The following SNX7 variants were observed in gnomAD, a reference collection of about 807,000 sequenced individuals.
SNX7 encodes the protein sorting nexin 7, also known as sorting nexin-7.
SNX7 carries 35 observed loss-of-function variants against 48.4 expected under a neutral mutation model. The observed-to-expected ratio is 0.72, with a 90% CI of 0.55 to 0.96. The LOEUF is 0.96. Among genes scored for constraint, SNX7 ranks in the 40% least tolerant of loss-of-function variants. The pLI is 0.00. For missense variants in SNX7, 553 were observed against 548.9 expected (o/e 1.01, Z -0.07); for synonymous variants, 190 against 190.2 (o/e 1.00, Z 0.01).
intron 7 of SNX7, among the ~76,000 whole-genome samples, chr1:98,713,914 G>A (rs1652450293): frequency 6.6e-6 from 1 of 152,162 alleles, no homozygotes; most frequent in South Asian, 2.1e-4. Context: ...AAAGTTTGAA[G>A]TGTTGTAAGA....
chr1:98,731,324 G>A (rs1653498432), intron 7 of SNX7, among the ~76,000 whole-genome samples: 1 of 151,928 alleles, frequency 6.6e-6, no homozygotes, highest in African/African-American at 2.4e-5. Context: ...CCATGTGACT[G>A]GCCCATAGTA....
rs577522427 is a variant in SNX7, at chr1:98,661,785, G to A, written c.54G>A (p.Gly18=). Reference sequence around the variant, plus strand: ...CGCCCTCCTCGGGCCTCCCGGCCGGGGGCGCCAACGGGGAGAGCCCGGGGG... The same window carrying A: ...CGCCCTCCTCGGGCCTCCCGGCCGGAGGCGCCAACGGGGAGAGCCCGGGGG... The part of the protein sequence containing the change: ...SQAPSSGLPA[G]GANGESPGGG... Residue 18 remains glycine (G), a synonymous_variant, in exon 1 of 9, where the codon GGG becomes GGA. Transcript: ENST00000306121. The A allele has an allele frequency of 1.2e-5, 15 of 1,243,584 alleles. No homozygotes were observed. The Admixed American group carries it at 2.5e-4, about 21-fold the overall frequency. The allele number at this position is 1,243,584 out of a possible 1,614,324, so 77.0% of individuals were successfully genotyped here.
chr1:98,715,383 C>G (rs1374474665), intron 7 of SNX7, among the ~76,000 whole-genome samples: 1 of 152,064 alleles, frequency 6.6e-6, no homozygotes, highest in Non-Finnish European at 1.5e-5. Flanking sequence ...GTTTATTTGT[C>G]CCATTAATGA....
At chr1:98,722,925 G>T (rs970783847) in intron 7 of SNX7, among the ~76,000 whole-genome samples, 1 of 152,024 alleles carries the variant, frequency 6.6e-6, no homozygotes, top group African/African-American at 2.4e-5. Flanking sequence ...GGAGAAATAA[G>T]CCTGGATTAA....
intron 8 of SNX7, among the ~76,000 whole-genome samples, chr1:98,757,815 G>C (rs779418348): frequency 3.9e-5 from 6 of 152,136 alleles, no homozygotes; most frequent in Admixed American, 6.6e-5. Flanking sequence ...CAGAAGTCCT[G>C]AGCCTGAGTT....
intron 6 of SNX7, among the ~76,000 whole-genome samples, chr1:98,701,125 A>G (rs4351664): frequency 0.88 from 133,628 of 152,144 alleles, 59,918 homozygotes; most frequent in Non-Finnish European, 0.96. Context: ...AAAGTTCGGC[A>G]AAAATGAAAG....
intron 1 of SNX7, 64 bp from the exon 2 acceptor site, chr1:98,684,821 C>T: frequency 8.9e-7 from 1 of 1,121,688 alleles, no homozygotes; most frequent in Non-Finnish European, 1.2e-6. Flanking sequence ...ATATTGATAG[C>T]ATCTAGAAAT....
chr1:98,701,969 T>A, intron 7 of SNX7, 66 bp downstream of exon 7: 1 of 1,077,964 alleles, frequency 9.3e-7, no homozygotes, highest in Non-Finnish European at 1.4e-6. Context: ...ATTAGCAATG[T>A]CCTTACATGA....
intron 4 of SNX7, among the ~76,000 whole-genome samples, chr1:98,694,586 T>C (rs1357422415): frequency 6.8e-6 from 1 of 147,786 alleles, no homozygotes; most frequent in Non-Finnish European, 1.5e-5. Context: ...TACCACTTAA[T>C]TGCTCTGGGA....
chr1:98,685,480 G>A (rs1650742988), intron 2 of SNX7, among the ~76,000 whole-genome samples: 1 of 151,976 alleles, frequency 6.6e-6, no homozygotes, highest in African/African-American at 2.4e-5. Context: ...TTTCAAAGTG[G>A]GACAGGTGGC....
At chr1:98,759,073 T>C (rs1410069460) in intron 8 of SNX7, among the ~76,000 whole-genome samples, 1 of 152,038 alleles carries the variant, frequency 6.6e-6, no homozygotes, top group African/African-American at 2.4e-5. Context: ...TTGTCCGATA[T>C]AGACACTTTA....
intron 6 of SNX7, 126 bp from the exon 7 acceptor site, chr1:98,701,691 A>G (rs1336642622): frequency 1.1e-5 from 6 of 551,060 alleles, no homozygotes; most frequent in Non-Finnish European, 1.8e-5. Context: ...TAAATGTATT[A>G]TATCCCCAAA....
intron 7 of SNX7, among the ~76,000 whole-genome samples, chr1:98,714,046 G>A (rs1652458880): frequency 6.6e-6 from 1 of 152,298 alleles, no homozygotes; most frequent in Admixed American, 6.5e-5. Context: ...TGGAATATCT[G>A]CAAAGCACAG....
At chr1:98,730,708 C>T (rs930578422) in intron 7 of SNX7, among the ~76,000 whole-genome samples, 8 of 151,934 alleles carry the variant, frequency 5.3e-5, no homozygotes, top group Admixed American at 2.0e-4. Flanking sequence ...AAGTGAAGGA[C>T]CTCTTTAAGG....
intron 1 of SNX7, among the ~76,000 whole-genome samples, chr1:98,669,374 C>G (rs1269274283): frequency 1.3e-5 from 2 of 152,202 alleles, no homozygotes; most frequent in African/African-American, 4.8e-5. Flanking sequence ...TCTTCATTCT[C>G]CTAATATTCT....
At position 98,691,943 on chromosome 1, in the gene SNX7, T is replaced by A. The variant is rs1039221123; in HGVS notation, c.639+244T>A. Among the ~76,000 whole-genome samples the A allele has an allele frequency of 4.2e-3, 525 of 124,058 alleles. 2 individuals carry two copies. The highest frequency in any genetic ancestry group is 0.014 in the South Asian group (55 of 3,910). The allele number at this position is 124,058 out of a possible 152,430, so 81.4% of individuals were successfully genotyped here. ...CACACACACACACACACACACTCTCTCTCTCTCTCTCTCTCTCTCTCTCTA... is the reference window on the plus strand; with the variant it reads ...CACACACACACACACACACACTCTCACTCTCTCTCTCTCTCTCTCTCTCTA... On this transcript the variant is annotated intron_variant, in intron 4 of 8. Transcript: ENST00000306121.
intron 1 of SNX7, among the ~76,000 whole-genome samples, chr1:98,672,784 C>A (rs1350894126): frequency 4.0e-5 from 6 of 150,114 alleles, no homozygotes; most frequent in Admixed American, 6.6e-5. Context: ...ATTAGCCGGG[C>A]GCGGTGGCGG....
intron 8 of SNX7, among the ~76,000 whole-genome samples, chr1:98,755,038 C>T (rs1192844757): frequency 6.6e-6 from 1 of 152,012 alleles, no homozygotes; most frequent in African/African-American, 2.4e-5. Context: ...CTGATTTCTC[C>T]ATTGATTTGT....
chr1:98,665,816 C>T (rs780077908), intron 1 of SNX7, among the ~76,000 whole-genome samples: 43 of 152,254 alleles, frequency 2.8e-4, no homozygotes, highest in Non-Finnish European at 4.7e-4. Context: ...TCTCAAACTC[C>T]TGACCTCAAG....
Sources: allele counts gnomAD v4.1 joint callset (sites outside exome capture counted in the v4.1 genomes callset), GRCh38; gene constraint gnomAD v4.1.1; transcripts MANE v1.5; gene names NCBI Gene and HGNC (gene_info 2026-07-23, HGNC 2026-07-21).